EYS: variants seen among roughly 807,000 people sequenced by gnomAD.
The protein encoded by EYS is protein eyes shut homolog.
A neutral mutation model predicts 282.1 loss-of-function variants in EYS; 250 were observed. The observed-to-expected ratio is 0.89, with a 90% CI of 0.80 to 0.98. EYS has a LOEUF of 0.98. EYS is among the 50% of genes least tolerant of loss of function. The pLI, the probability that EYS is intolerant of heterozygous loss-of-function variation, is 0.00. For missense variants in EYS, 4,016 were observed against 3,709.0 expected (o/e 1.08, Z -2.15); for synonymous variants, 1,355 against 1,282.9 (o/e 1.06, Z -1.20).
chr6:64,687,801 TCTC>T (rs1434257737), intron 22 of EYS, among the ~76,000 whole-genome samples: 4 of 152,134 alleles, frequency 2.6e-5, no homozygotes, highest in African/African-American at 9.7e-5. Flanking sequence ...AACGGTACCA[TCTC>T]CTCTTTGTAC....
chr6:64,039,959 T>A (rs138367806), intron 33 of EYS, among the ~76,000 whole-genome samples: 1 of 152,184 alleles, frequency 6.6e-6, no homozygotes, highest in Non-Finnish European at 1.5e-5. Context: ...CTTAAATATG[T>A]TCTTAGAAAG....
At chr6:65,299,350 A>G (rs1768751679) in intron 11 of EYS, among the ~76,000 whole-genome samples, 1 of 152,094 alleles carries the variant, frequency 6.6e-6, no homozygotes, top group South Asian at 2.1e-4. Flanking sequence ...TAATTAGCAC[A>G]AAAGAAAATC....
At chr6:64,855,987 G>A (rs143393554) in intron 19 of EYS, among the ~76,000 whole-genome samples, 168 of 152,106 alleles carry the variant, frequency 1.1e-3, no homozygotes, top group Middle Eastern at 0.01. Context: ...TTTTACTGAT[G>A]TACTGGTTTG....
chr6:65,512,457 C>A (rs1766925972), intron 2 of EYS, among the ~76,000 whole-genome samples: 1 of 148,734 alleles, frequency 6.7e-6, no homozygotes, highest in Non-Finnish European at 1.5e-5. Flanking sequence ...CCACTGCACT[C>A]CATCCAGTCT....
chr6:65,222,924 A>G (rs1482960967), intron 12 of EYS, among the ~76,000 whole-genome samples: 1 of 152,176 alleles, frequency 6.6e-6, no homozygotes, highest in Middle Eastern at 3.2e-3. Flanking sequence ...TGAAATAAGG[A>G]TGAAGAAGAA....
chr6:64,270,122 G>C (rs1233144541), intron 30 of EYS, among the ~76,000 whole-genome samples: 2 of 152,074 alleles, frequency 1.3e-5, no homozygotes, highest in Non-Finnish European at 2.9e-5. Flanking sequence ...TTCTGGCGTA[G>C]ACATATTTTT....
At chr6:64,588,200 G>A (rs1766294197) in intron 26 of EYS, among the ~76,000 whole-genome samples, 1 of 152,034 alleles carries the variant, frequency 6.6e-6, no homozygotes. Flanking sequence ...AACTAGGATT[G>A]CCTAGAAGAA....
At chr6:65,655,764 G>T (rs1335144888) in intron 1 of EYS, among the ~76,000 whole-genome samples, 1 of 151,752 alleles carries the variant, frequency 6.6e-6, no homozygotes, top group Non-Finnish European at 1.5e-5. Flanking sequence ...GATGAGAGTT[G>T]CTTTTTATGG....
At position 65,476,712 on chromosome 6, in the gene EYS, G is replaced by A. The variant is rs1184402046; in HGVS notation, c.862+13882C>T. 1.4e-4 allele frequency among the ~76,000 whole-genome samples: 21 copies of A among 152,064 alleles called. No homozygotes were observed. In the East Asian group the frequency reaches 2.1e-3, roughly 15 times the overall value. ...CTGCCTCAGCCTCCCGAGTAGCTGG[G>A]ACTACAGGCGCGTGCCACCAGGCCC... On this transcript the variant is annotated intron_variant, in intron 5 of 42. Transcript: ENST00000503581.
chr6:64,112,935 G>C (rs1773256086), intron 31 of EYS, among the ~76,000 whole-genome samples: 1 of 151,704 alleles, frequency 6.6e-6, no homozygotes, highest in African/African-American at 2.4e-5. Context: ...TTGTAGTCAG[G>C]AGACACTGCA....
At chr6:65,383,407 TA>T (rs986662021) in intron 8 of EYS, among the ~76,000 whole-genome samples, 5 of 152,040 alleles carry the variant, frequency 3.3e-5, no homozygotes, top group Admixed American at 2.0e-4. Context: ...TATTGGTTTC[TA>T]AAAAGTTATA....
At chr6:65,491,518 C>A in intron 4 of EYS, 1 of 365,510 alleles carries the variant, frequency 2.7e-6, no homozygotes, top group Non-Finnish European at 5.4e-6. Context: ...TGATGTCTTT[C>A]AAATTCCTTA....
At chr6:64,879,085 T>A (rs559530457) in intron 19 of EYS, among the ~76,000 whole-genome samples, 1 of 152,296 alleles carries the variant, frequency 6.6e-6, no homozygotes, top group East Asian at 1.9e-4. Context: ...CTTTTAGCAA[T>A]TTGTTGGCTT....
chr6:65,516,652 T>C (rs1767147270), intron 2 of EYS, among the ~76,000 whole-genome samples: 1 of 152,106 alleles, frequency 6.6e-6, no homozygotes, highest in African/African-American at 2.4e-5. Context: ...AAGTGTTTTG[T>C]ATGTTTTATT....
intron 31 of EYS, among the ~76,000 whole-genome samples, chr6:64,224,341 A>G (rs541975060): frequency 1.5e-4 from 23 of 151,834 alleles, no homozygotes; most frequent in African/African-American, 5.5e-4. Context: ...TCTATATTCT[A>G]CTCTCAGATC....
chr6:65,617,714 C>T, intron 2 of EYS, among the ~76,000 whole-genome samples: 1 of 133,946 alleles, frequency 7.5e-6, no homozygotes, highest in Non-Finnish European at 1.6e-5. Context: ...CCCCCCACCC[C>T]ACCACAATCC....
intron 22 of EYS, among the ~76,000 whole-genome samples, chr6:64,642,447 G>A (rs1055777973): frequency 1.3e-5 from 2 of 152,028 alleles, no homozygotes; most frequent in Non-Finnish European, 2.9e-5. Flanking sequence ...ACTTACAATC[G>A]ATATATTCTT....
intron 13 of EYS, among the ~76,000 whole-genome samples, chr6:65,004,180 A>T (rs550490415): frequency 1.4e-5 from 2 of 147,714 alleles, no homozygotes; most frequent in South Asian, 4.4e-4. Flanking sequence ...TAAAAATTCT[A>T]CCATTTCAAA....
At chr6:63,865,026 AC>A (rs1379730683) in intron 35 of EYS, among the ~76,000 whole-genome samples, 6 of 152,294 alleles carry the variant, frequency 3.9e-5, no homozygotes. Context: ...ATTTAAAGTA[AC>A]AGATGCCTTC....
Sources: gnomAD v4.1 joint callset for allele counts (sites outside exome capture counted in the v4.1 genomes callset) on GRCh38, gnomAD v4.1.1 for gene constraint, MANE v1.5 for transcripts, NCBI Gene and HGNC (gene_info 2026-07-23, HGNC 2026-07-21) for gene names.